Variants in CRCP observed in about 807,000 individuals in gnomAD.
CRCP encodes DNA-directed RNA polymerase III subunit RPC9.
In CRCP, 18 loss-of-function variants were observed where a neutral mutation model predicts 18.5. The observed-to-expected ratio is 0.97, with a 90% CI of 0.67 to 1.44. The LOEUF (loss-of-function observed/expected upper bound fraction) is 1.44, where lower values mean the gene tolerates loss of function less well. Ranked by LOEUF, CRCP falls within the 40% of genes most tolerant of loss-of-function variation. The probability of loss-of-function intolerance (pLI) is 0.00; values close to 1 mark genes in which losing one functional copy is unlikely to be tolerated. For synonymous variants in CRCP, 53 were observed against 62.9 expected, an observed-to-expected ratio of 0.84 and a Z score of 0.75; for missense variants, 130 against 176.4, an observed-to-expected ratio of 0.74 and a Z score of 1.49.
chr7:66,123,729 C>T (rs1787521230), intron 1 of CRCP, among the ~76,000 whole-genome samples: 1 of 139,416 alleles, frequency 7.2e-6, no homozygotes, highest in African/African-American at 2.8e-5. Context: ...GCCTGGGCAA[C>T]AAGAGCGAAA....
intron 5 of CRCP, among the ~76,000 whole-genome samples, chr7:66,151,162 A>G (rs1439292917): frequency 1.3e-5 from 2 of 152,190 alleles, no homozygotes; most frequent in South Asian, 4.1e-4. Flanking sequence ...CTCCAGACAC[A>G]TGGGAGGCCT....
At chr7:66,119,392 T>C (rs1485709036) in intron 1 of CRCP, among the ~76,000 whole-genome samples, 2 of 152,166 alleles carry the variant, frequency 1.3e-5, no homozygotes, top group African/African-American at 4.8e-5. Context: ...AGTAGGTGTT[T>C]TGTGAGCCAT....
chr7:66,151,506 T>C (rs1002977780), intron 5 of CRCP, among the ~76,000 whole-genome samples: 5 of 151,736 alleles, frequency 3.3e-5, no homozygotes, highest in Non-Finnish European at 2.9e-5. Flanking sequence ...GAGGCGGAGG[T>C]TGCAGTGAGC....
Position 66,152,384 on chromosome 7 carries a change from A to T in CRCP, c.*27A>T. ...AGAGCACAGCTGGCCCCGGCGTTTC[A>T]TGAAGTCAGAAGGCCTGGCAGCCAT... On this transcript the variant is annotated 3_prime_UTR_variant, in exon 6 of 6. Coordinates refer to ENST00000395326, the MANE Select transcript of CRCP (RefSeq NM_014478.5). The T allele has an allele frequency of 1.9e-6, 3 of 1,612,156 alleles. No individual in the cohort carries two copies. Among genetic ancestry groups the T allele is most frequent in the Non-Finnish European group, 2.5e-6 (3 of 1,179,190 alleles).
intron 4 of CRCP, among the ~76,000 whole-genome samples, chr7:66,137,949 A>G (rs757463634): frequency 2.0e-5 from 3 of 152,220 alleles, no homozygotes; most frequent in Non-Finnish European, 2.9e-5. Flanking sequence ...GTATTCTTAC[A>G]TATTTTAAAG....
rs191380459 is a variant in CRCP at position 66,124,577 on chromosome 7, A to G, written c.9-3127A>G. Among the ~76,000 whole-genome samples the G allele has an allele frequency of 5.2e-4, 62 of 119,190 alleles. No homozygotes were observed. In the East Asian group the frequency reaches 0.012, roughly 24 times the overall value. 78.2% of individuals were successfully genotyped at this position (119,190 alleles called of 152,430 possible). On this transcript the variant is annotated intron_variant, in intron 1 of 5. Transcript: ENST00000395326. ...CTTTCTTCCTTTCTTGTTTTTGATTAGAGACACTTGAGCCCAGGCTGGATT... is the reference window on the plus strand; with the variant it reads ...CTTTCTTCCTTTCTTGTTTTTGATTGGAGACACTTGAGCCCAGGCTGGATT...
chr7:66,122,651 T>C (rs1787481365), intron 1 of CRCP, among the ~76,000 whole-genome samples: 1 of 152,088 alleles, frequency 6.6e-6, no homozygotes, highest in South Asian at 2.1e-4. Flanking sequence ...TTTTTTTTTT[T>C]ACTCAAGCAT....
chr7:66,142,451 G>A (rs1788168710), intron 4 of CRCP, among the ~76,000 whole-genome samples: 2 of 152,094 alleles, frequency 1.3e-5, no homozygotes, highest in Admixed American at 1.3e-4. Context: ...CCACTGAACT[G>A]CACAGGCCAC....
At chr7:66,125,056 G>A (rs1451752181) in intron 1 of CRCP, among the ~76,000 whole-genome samples, 2 of 149,322 alleles carry the variant, frequency 1.3e-5, no homozygotes, top group African/African-American at 4.8e-5. Flanking sequence ...GATATTTGAA[G>A]AGTCTAAATT....
chr7:66,144,011 A>C (rs1273949662), intron 4 of CRCP, among the ~76,000 whole-genome samples: 1 of 152,136 alleles, frequency 6.6e-6, no homozygotes, highest in Non-Finnish European at 1.5e-5. Flanking sequence ...TGGCTTCTTC[A>C]TGTTTTCACT....
In CRCP at chr7:66,154,040, CAG is replaced by C. The variant is rs1788543379; in HGVS notation, c.*1684_*1685del. 6.6e-6 allele frequency: 1 copy of C among 152,094 alleles called. No individual in the cohort carries two copies. Among genetic ancestry groups the C allele is most frequent in the Admixed American group, 6.6e-5 (1 of 15,254 alleles). 9.4% of individuals were successfully genotyped at this position (152,094 alleles called of 1,614,324 possible). A position where few individuals can be genotyped will look rare whatever the true frequency, so the allele number is the denominator to read the frequency against. On this transcript the variant is annotated 3_prime_UTR_variant, in exon 6 of 6. Transcript: ENST00000395326. ...GTGCATTGCACTCCAGCCTGGCCGA[CAG>C]GGTGAGACTCCATCTCAAAAAAGAG...
chr7:66,149,669 C>T (rs1335134048), intron 5 of CRCP, among the ~76,000 whole-genome samples: 1 of 152,116 alleles, frequency 6.6e-6, no homozygotes, highest in East Asian at 1.9e-4. Context: ...CTAAGGTTCC[C>T]AGTCACAGGA....
chr7:66,146,300 G>C (rs1312821153), intron 5 of CRCP, among the ~76,000 whole-genome samples: 1 of 152,074 alleles, frequency 6.6e-6, no homozygotes, highest in African/African-American at 2.4e-5. Context: ...AGAGTAGAGG[G>C]GCCTACGATG....
rs973443660 is a variant in CRCP at position 66,148,842 on chromosome 7, C to T, written c.297+3342C>T. On this transcript the variant is annotated intron_variant, in intron 5 of 5. Coordinates refer to ENST00000395326, the MANE Select transcript of CRCP (RefSeq NM_014478.5). ...CTTGTAAAACACTGTTACATGTGTT[C>T]TCCTTTTGTCCTCGCTGTAGGCGTT... 5.3e-5 allele frequency among the ~76,000 whole-genome samples: 8 copies of T among 152,348 alleles called. No homozygotes were observed. In the South Asian group the frequency reaches 1.4e-3, roughly 28 times the overall value.
chr7:66,126,759 T>C (rs1787628372), intron 1 of CRCP: 1 of 340,392 alleles, frequency 2.9e-6, no homozygotes, highest in African/African-American at 2.1e-5. Context: ...CAGATAGTAG[T>C]AGTGATAATG....
intron 4 of CRCP, among the ~76,000 whole-genome samples, chr7:66,143,894 A>T (rs1485541600): frequency 1.3e-5 from 2 of 152,312 alleles, no homozygotes; most frequent in African/African-American, 4.8e-5. Flanking sequence ...ATCCTCTCAT[A>T]AGATAGTTAA....
intron 5 of CRCP, 101 bp downstream of exon 5, chr7:66,145,601 C>T: frequency 8.5e-7 from 1 of 1,177,238 alleles, no homozygotes; most frequent in Non-Finnish European, 1.3e-6. Flanking sequence ...AAGAGGCTGC[C>T]CAACCACTCC....
intron 3 of CRCP, among the ~76,000 whole-genome samples, chr7:66,133,445 T>G (rs1787870495): frequency 6.6e-6 from 1 of 151,494 alleles, no homozygotes. Flanking sequence ...GAGGCGGAGC[T>G]TGCAGTGAGC....
At chr7:66,129,019 C>A (rs776376383) in intron 2 of CRCP, among the ~76,000 whole-genome samples, 3 of 152,016 alleles carry the variant, frequency 2.0e-5, no homozygotes, top group Non-Finnish European at 4.4e-5. Flanking sequence ...GGAAACCTAG[C>A]AAGACCCCCA....
Sources: gnomAD v4.1 joint callset for allele counts (sites outside exome capture counted in the v4.1 genomes callset) on GRCh38, gnomAD v4.1.1 for gene constraint, MANE v1.5 for transcripts, NCBI Gene and HGNC (gene_info 2026-07-23, HGNC 2026-07-21) for gene names.